Variants in A2ML1 observed in about 807,000 individuals in gnomAD.
A2ML1 encodes the protein alpha-2-macroglobulin like 1, also known as alpha-2-macroglobulin-like protein 1.
Under a neutral mutation model 181.9 loss-of-function variants are expected in A2ML1, and 161 were observed. The observed-to-expected ratio is 0.89, with a 90% CI of 0.78 to 1.01. The LOEUF (loss-of-function observed/expected upper bound fraction) is 1.01. Among genes scored for constraint, A2ML1 ranks in the 50% least tolerant of loss-of-function variants. A2ML1 has a pLI of 0.00. For synonymous variants in A2ML1, 663 were observed against 666.8 expected (o/e 0.99, Z 0.09); for missense variants, 1,670 against 1,768.1 (o/e 0.94, Z 1.00).
At chr12:8,853,982 T>C (rs1274056203) in intron 20 of A2ML1, 146 bp from the exon 21 acceptor site, 1 of 1,061,668 alleles carries the variant, frequency 9.4e-7, no homozygotes, top group South Asian at 2.8e-5. Context: ...ATGCAGAATA[T>C]GGGCCCCACC....
downstream of A2ML1, among the ~76,000 whole-genome samples, chr12:8,879,129 T>C (rs1476263126): frequency 6.6e-6 from 1 of 151,988 alleles, no homozygotes; most frequent in Non-Finnish European, 1.5e-5. Context: ...GGGGAAGATA[T>C]GCAAAGGAGG....
intron 14 of A2ML1, among the ~76,000 whole-genome samples, chr12:8,846,991 A>G (rs1346661058): frequency 4.0e-5 from 6 of 149,796 alleles, no homozygotes; most frequent in East Asian, 2.0e-4. Flanking sequence ...CTGGAGTGCA[A>G]TGGTGCGATC....
intron 26 of A2ML1, among the ~76,000 whole-genome samples, chr12:8,859,555 C>T (rs554164862): frequency 3.4e-4 from 51 of 151,932 alleles, no homozygotes; most frequent in Non-Finnish European, 6.0e-4. Flanking sequence ...AGGTATTCTT[C>T]CTTCTTTCCC....
At chr12:8,857,850 C>T in intron 25 of A2ML1, 96 bp from the exon 26 acceptor site, 3 of 1,510,114 alleles carry the variant, frequency 2.0e-6, no homozygotes, top group Non-Finnish European at 2.7e-6. Context: ...CCCTCAGCTC[C>T]CCTTCTGGAA....
At chr12:8,840,309 A>G (rs978496357) in intron 10 of A2ML1, among the ~76,000 whole-genome samples, 3 of 151,562 alleles carry the variant, frequency 2.0e-5, no homozygotes, top group African/African-American at 4.8e-5. Context: ...GCAGTGAGCT[A>G]AGATCATGCC....
intron 28 of A2ML1, among the ~76,000 whole-genome samples, chr12:8,862,811 C>G (rs1463385908): frequency 6.2e-5 from 1 of 16,258 alleles, no homozygotes; most frequent in Non-Finnish European, 0.011. Context: ...GTATTGCAAG[C>G]TCACGTTTCC....
At chr12:8,857,894 C>T (rs1365519820) in intron 25 of A2ML1, 52 bp from the exon 26 acceptor site, 1 of 1,595,038 alleles carries the variant, frequency 6.3e-7, no homozygotes, top group African/African-American at 1.3e-5. Context: ...AATGATTGCA[C>T]CCTCACCTGG....
At position 8,852,394 on chromosome 12, in the gene A2ML1, G is replaced by A. The variant is rs1943925183; in HGVS notation, c.2590+58G>A. 4.4e-6 allele frequency: 7 copies of A among 1,605,214 alleles called. No individual in the cohort carries two copies. Among genetic ancestry groups the A allele is most frequent in the South Asian group, 1.1e-5 (1 of 89,636 alleles). On this transcript the variant is annotated intron_variant, in intron 20 of 35. Transcript: ENST00000299698. This position sits in a 1 kb window ranked among gnomAD's most constrained non-coding sequence, Gnocchi z 4.2. The stretch of plus-strand genomic sequence containing the variant: ...AGCCAGCAGCAGAAGACCAGTGACT[G>A]AGCACTCAGTCTTTTCCTCTGCCAC...
At chr12:8,828,328 C>A in intron 3 of A2ML1, among the ~76,000 whole-genome samples, 1 of 152,124 alleles carries the variant, frequency 6.6e-6, no homozygotes, top group Non-Finnish European at 1.5e-5. Flanking sequence ...AGACAAAGTC[C>A]TTCCCACTCT....
downstream of A2ML1, chr12:8,880,690 T>C (rs1944862404): frequency 2.0e-5 from 3 of 152,104 alleles, no homozygotes; most frequent in Non-Finnish European, 4.4e-5. Flanking sequence ...GCTGATAGAA[T>C]CAGGAAGACT....
chr12:8,843,550 A>T (rs1943562933), intron 12 of A2ML1, among the ~76,000 whole-genome samples, 189 bp downstream of exon 12: 1 of 152,188 alleles, frequency 6.6e-6, no homozygotes, highest in South Asian at 2.1e-4. Context: ...TATTTAACCC[A>T]TTATATCCAA....
intron 3 of A2ML1, among the ~76,000 whole-genome samples, chr12:8,828,117 T>C (rs947038181): frequency 2.6e-5 from 4 of 152,164 alleles, no homozygotes; most frequent in Non-Finnish European, 5.9e-5. Flanking sequence ...CTACTGCCCA[T>C]GTTTGCTCAA....
Position 8,838,384 on chromosome 12 carries a change from G to C in A2ML1, c.904G>C (p.Asp302His). 1 of 1,613,830 alleles carries C rather than the reference G, an allele frequency of 6.2e-7. No homozygotes were observed. Among genetic ancestry groups the C allele is most frequent in the South Asian group, 1.1e-5 (1 of 90,970 alleles). ...AGCACCTGTGGACATGGCCACCTTTGACCTCATTGGATATGCGTACAGCCA... is the reference window on the plus strand; with the variant it reads ...AGCACCTGTGGACATGGCCACCTTTCACCTCATTGGATATGCGTACAGCCA... ...FSAPVDMATF[D>H]LIGYAYSHQI... Residue 302 changes from aspartate (D) to histidine (H), a missense_variant, in exon 9 of 36, where the codon GAC becomes CAC. Coordinates refer to ENST00000299698, the MANE Select transcript of A2ML1 (RefSeq NM_144670.6).
chr12:8,846,244 G>A (rs1288912085), intron 14 of A2ML1, 22 bp downstream of exon 14: 8 of 1,612,920 alleles, frequency 5.0e-6, no homozygotes, highest in Non-Finnish European at 5.9e-6. Flanking sequence ...GCGGAGAAGG[G>A]TGAAGATAAA....
At chr12:8,835,316 A>T (rs1172805649) in intron 5 of A2ML1, among the ~76,000 whole-genome samples, 191 bp from the exon 6 acceptor site, 3 of 152,210 alleles carry the variant, frequency 2.0e-5, no homozygotes, top group African/African-American at 7.2e-5. Flanking sequence ...GATCTATAGA[A>T]ATATTTACCT....
rs1366418923 is a variant in A2ML1, at chr12:8,852,729, C to T, written c.2590+393C>T. On this transcript the variant is annotated intron_variant, in intron 20 of 35. Transcript: ENST00000299698. This position sits in a 1 kb window ranked among gnomAD's most constrained non-coding sequence, Gnocchi z 4.2. ...TATTTATTTTTGAGAGGAAGTCTCGCTCTGTTGCGCAGGCTGGAGTGCAGT... is the reference window on the plus strand; with the variant it reads ...TATTTATTTTTGAGAGGAAGTCTCGTTCTGTTGCGCAGGCTGGAGTGCAGT... Among the ~76,000 whole-genome samples, 1 of 152,148 alleles carries T rather than the reference C, an allele frequency of 6.6e-6. No individual in the cohort carries two copies. Among genetic ancestry groups the T allele is most frequent in the African/African-American group, 2.4e-5 (1 of 41,428 alleles).
At chr12:8,861,778 C>A (rs138039620) in intron 28 of A2ML1, among the ~76,000 whole-genome samples, 1 of 149,698 alleles carries the variant, frequency 6.7e-6, no homozygotes, top group Non-Finnish European at 1.5e-5. Context: ...TGAGCCACCA[C>A]GCCCGAGTTT....
chr12:8,861,635 C>A (rs1944269158), intron 28 of A2ML1, among the ~76,000 whole-genome samples: 1 of 151,268 alleles, frequency 6.6e-6, no homozygotes, highest in Admixed American at 6.6e-5. Context: ...CTACAGGCGC[C>A]CACCACCACG....
intron 35 of A2ML1, chr12:8,875,695 T>A (rs1370912939): frequency 6.6e-6 from 1 of 152,224 alleles, no homozygotes; most frequent in Non-Finnish European, 1.5e-5. Context: ...TACTTCAGCC[T>A]CCCAAAGTGC....
Sources: gnomAD v4.1 joint callset for allele counts (sites outside exome capture counted in the v4.1 genomes callset) on GRCh38, gnomAD v4.1.1 for gene constraint, Gnocchi (gnomAD v3.1) non-coding constraint, MANE v1.5 for transcripts, NCBI Gene and HGNC (gene_info 2026-07-23, HGNC 2026-07-21) for gene names.